FSTL4: variants seen among roughly 807,000 people sequenced by gnomAD.
The protein encoded by FSTL4 is follistatin like 4, also known as follistatin-related protein 4.
Under a neutral mutation model 78.2 loss-of-function variants are expected in FSTL4, and 28 were observed. The ratio of observed to expected loss-of-function variants is 0.36; its 90% CI spans 0.27 to 0.49. The LOEUF is 0.49. FSTL4 is among the 20% of genes least tolerant of loss of function. FSTL4 has a pLI of 0.98. For missense variants in FSTL4, 922 were observed against 1,084.9 expected (o/e 0.85, Z 2.11); for synonymous variants, 422 against 440.5 (o/e 0.96, Z 0.53).
the FSTL4 span, among the ~76,000 whole-genome samples, chr5:133,757,376 C>G: frequency 6.6e-6 from 1 of 152,138 alleles, no homozygotes; most frequent in Non-Finnish European, 1.5e-5. Flanking sequence ...GCCTGCAGTG[C>G]ATCTCAGTTT....
At chr5:133,446,656 A>G (rs1757271184) in intron 3 of FSTL4, among the ~76,000 whole-genome samples, 1 of 152,172 alleles carries the variant, frequency 6.6e-6, no homozygotes, top group South Asian at 2.1e-4. Flanking sequence ...GGGAATCAGG[A>G]GCCGGTCCTC....
chr5:133,804,474 G>A, the FSTL4 span, among the ~76,000 whole-genome samples: 1 of 152,188 alleles, frequency 6.6e-6, no homozygotes, highest in Non-Finnish European at 1.5e-5. Context: ...TACTATGGCT[G>A]AAAACACACA....
intron 4 of FSTL4, among the ~76,000 whole-genome samples, chr5:133,349,295 C>CTCTCTGTGTGTGTGTGTGTG (rs11269337): frequency 6.1e-4 from 85 of 139,762 alleles, no homozygotes; most frequent in Non-Finnish European, 1.2e-3. Context: ...GCCTCTCTCT[C>CTCTCTGTGTGTGTGTGTGTG]TGTGTGTGTG....
At chr5:133,320,839 C>T (rs1277576539) in intron 4 of FSTL4, among the ~76,000 whole-genome samples, 1 of 151,910 alleles carries the variant, frequency 6.6e-6, no homozygotes, top group African/African-American at 2.4e-5. Context: ...AACCCCGTCT[C>T]TACCAAAAAT....
At chr5:133,519,211 C>T (rs1253016996) in intron 3 of FSTL4, among the ~76,000 whole-genome samples, 1 of 152,226 alleles carries the variant, frequency 6.6e-6, no homozygotes, top group Non-Finnish European at 1.5e-5. Context: ...CCAAAGGCCA[C>T]CATTTGTTCT....
At chr5:133,825,789 A>G in the FSTL4 span, among the ~76,000 whole-genome samples, 3 of 152,190 alleles carry the variant, frequency 2.0e-5, no homozygotes, top group Non-Finnish European at 1.5e-5. Flanking sequence ...CATTAGCTCC[A>G]GCTGTCGGTG....
chr5:133,769,352 C>G, the FSTL4 span, among the ~76,000 whole-genome samples: 2 of 152,220 alleles, frequency 1.3e-5, no homozygotes, highest in Non-Finnish European at 1.5e-5. Context: ...TTGGTCTCAT[C>G]ATGGCTCTGA....
chr5:133,721,248 C>T, the FSTL4 span, among the ~76,000 whole-genome samples: 25 of 152,222 alleles, frequency 1.6e-4, no homozygotes, highest in Non-Finnish European at 2.6e-4. Context: ...AACAACTCAT[C>T]GTAGCTTTAT....
chr5:133,407,270 C>T (rs2126976797), intron 3 of FSTL4, among the ~76,000 whole-genome samples: 1 of 152,350 alleles, frequency 6.6e-6, no homozygotes, highest in East Asian at 1.9e-4. Context: ...AAGCCCCTTA[C>T]CTCCCACTAT....
chr5:133,205,268 G>A (rs911587067), intron 14 of FSTL4, among the ~76,000 whole-genome samples: 26 of 152,122 alleles, frequency 1.7e-4, no homozygotes, highest in African/African-American at 6.3e-4. Context: ...CTTTCAATTT[G>A]TTGGTGTTAT....
At chr5:133,804,823 A>T in the FSTL4 span, among the ~76,000 whole-genome samples, 3 of 151,604 alleles carry the variant, frequency 2.0e-5, no homozygotes, top group African/African-American at 7.3e-5. Flanking sequence ...GGGCGCCTGT[A>T]GTCCCAGCTA....
the FSTL4 span, among the ~76,000 whole-genome samples, chr5:133,737,882 C>T: frequency 2.6e-5 from 4 of 152,080 alleles, no homozygotes; most frequent in African/African-American, 4.8e-5. Context: ...GGATTACAGG[C>T]GTGAGCCACC....
At chr5:133,257,576 C>T (rs1752411280) in intron 6 of FSTL4, among the ~76,000 whole-genome samples, 1 of 152,150 alleles carries the variant, frequency 6.6e-6, no homozygotes, top group African/African-American at 2.4e-5. Flanking sequence ...GAAGTTAGAG[C>T]AGAACTCAGT....
chr5:133,371,095 G>A (rs1366849210), intron 4 of FSTL4, among the ~76,000 whole-genome samples: 1 of 152,232 alleles, frequency 6.6e-6, no homozygotes, highest in African/African-American at 2.4e-5. Flanking sequence ...TGGCAAGCAG[G>A]GCCCATGCAG....
At chr5:133,261,219 C>T (rs1327051291) in intron 6 of FSTL4, among the ~76,000 whole-genome samples, 1 of 152,124 alleles carries the variant, frequency 6.6e-6, no homozygotes, top group African/African-American at 2.4e-5. Context: ...TTCCATGGTT[C>T]CCGAATGTCA....
In FSTL4 at chr5:133,285,576, G is replaced by A. The variant is rs141806464; in HGVS notation, c.727+27078C>T. ...ACAGTTCCAAAGGAATGATTTCCCT[G>A]TTTCCTCCAAGGCCAAGGGCATGTC... On this transcript the variant is annotated intron_variant, in intron 6 of 15. Coordinates refer to ENST00000265342, the MANE Select transcript of FSTL4 (RefSeq NM_015082.2). Among the ~76,000 whole-genome samples, 4 of 152,314 alleles carry A rather than the reference G, an allele frequency of 2.6e-5. No homozygotes were observed. The East Asian group carries it at 7.7e-4, about 29-fold the overall frequency.
chr5:133,634,547 C>A, the FSTL4 span, among the ~76,000 whole-genome samples: 1 of 152,136 alleles, frequency 6.6e-6, no homozygotes, highest in African/African-American at 2.4e-5. Context: ...TTCTTCTCCT[C>A]ACCTTATGTC....
chr5:133,547,048 A>T (rs1241231880), intron 3 of FSTL4, among the ~76,000 whole-genome samples: 1 of 152,234 alleles, frequency 6.6e-6, no homozygotes, highest in Admixed American at 6.5e-5. Flanking sequence ...TAGTAGAGCC[A>T]TGGGAATGGA....
chr5:133,225,917 C>T lies in FSTL4; in HGVS notation c.1016-98G>A. On this transcript the variant is annotated intron_variant, in intron 8 of 15. Transcript: ENST00000265342. This position sits in a 1 kb window ranked among gnomAD's most constrained non-coding sequence, Gnocchi z 4.6. ...GACCCTGCTCCAGAGGGGGTGAACCCAAGTAGGTGACTGGAGTTCTGTGTT... is the reference window on the plus strand; with the variant it reads ...GACCCTGCTCCAGAGGGGGTGAACCTAAGTAGGTGACTGGAGTTCTGTGTT... 2.3e-6 allele frequency: 2 copies of T among 863,608 alleles called. No homozygotes were observed. Among genetic ancestry groups the T allele is most frequent in the East Asian group, 5.4e-5 (2 of 37,324 alleles). The allele number at this position is 863,608 out of a possible 1,614,324, so 53.5% of individuals were successfully genotyped here.
Sources: allele counts gnomAD v4.1 joint callset (sites outside exome capture counted in the v4.1 genomes callset), GRCh38; gene constraint gnomAD v4.1.1; non-coding constraint Gnocchi (gnomAD v3.1); transcripts MANE v1.5; gene names NCBI Gene and HGNC (gene_info 2026-07-23, HGNC 2026-07-21).